Variants in DNAAF11 observed in about 807,000 individuals in gnomAD.
The protein encoded by DNAAF11 is dynein axonemal assembly factor 11, also known as leucine rich repeat containing 6.
In DNAAF11, 45 loss-of-function variants were observed where a neutral mutation model predicts 60.8. The ratio of observed to expected loss-of-function variants is 0.74; its 90% confidence interval spans 0.58 to 0.95. The LOEUF (loss-of-function observed/expected upper bound fraction) is 0.95. Ranked by LOEUF, DNAAF11 falls within the 40% of genes least tolerant of loss-of-function variation. The pLI, the probability that DNAAF11 is intolerant of heterozygous loss-of-function variation, is 0.00. For synonymous variants in DNAAF11, 191 were observed against 183.5 expected (o/e 1.04, Z -0.33); for missense variants, 546 against 546.2 (o/e 1.00, Z 0.00).
intron 11 of DNAAF11, among the ~76,000 whole-genome samples, chr8:132,573,327 T>C (rs918302140): frequency 5.3e-5 from 8 of 152,210 alleles, no homozygotes; most frequent in Admixed American, 2.6e-4. Context: ...TAAATATCTA[T>C]GATATTCCAG....
chr8:132,639,926 A>G (rs892371695), intron 3 of DNAAF11, among the ~76,000 whole-genome samples: 1 of 152,174 alleles, frequency 6.6e-6, no homozygotes, highest in Non-Finnish European at 1.5e-5. Context: ...AACGAGAAAA[A>G]AATACAAGGA....
In DNAAF11 at chr8:132,578,507, A is replaced by G. The variant is rs1298732775; in HGVS notation, c.1226+5187T>C. The G allele has an allele frequency of 5.9e-6, 9 of 1,529,502 alleles. No homozygotes were observed. In the East Asian group the frequency reaches 2.2e-4, roughly 37 times the overall value. 94.7% of individuals were successfully genotyped at this position (1,529,502 alleles called of 1,614,324 possible). A position where few individuals can be genotyped will look rare whatever the true frequency, so the allele number is the denominator to read the frequency against. On this transcript the variant is annotated intron_variant, in intron 11 of 11. Transcript: ENST00000620350. Reference sequence around the variant, plus strand: ...GTCAGAAACATCACCTCTAGAATCCAGTAGAATAGCTGGAAGACAAAATCA... The same window carrying G: ...GTCAGAAACATCACCTCTAGAATCCGGTAGAATAGCTGGAAGACAAAATCA...
chr8:132,697,270 T>TA, the DNAAF11 span, among the ~76,000 whole-genome samples: 1 of 152,204 alleles, frequency 6.6e-6, no homozygotes, highest in Non-Finnish European at 1.5e-5. Flanking sequence ...ACTGTAAAAC[T>TA]AAAAATCATT....
At chr8:132,664,846 G>GT (rs1305823221) in intron 1 of DNAAF11, among the ~76,000 whole-genome samples, 1 of 152,082 alleles carries the variant, frequency 6.6e-6, no homozygotes, top group Non-Finnish European at 1.5e-5. Flanking sequence ...TCGAAGGCAT[G>GT]TAAGTATTAG....
chr8:132,581,725 G>T lies in DNAAF11; in HGVS notation c.1226+1969C>A, dbSNP rs193172989. 2.0e-5 allele frequency among the ~76,000 whole-genome samples: 3 copies of T among 149,498 alleles called. No individual in the cohort carries two copies. In the East Asian group the frequency reaches 5.8e-4, roughly 29 times the overall value. On this transcript the variant is annotated intron_variant, in intron 11 of 11. Coordinates refer to ENST00000620350, the MANE Select transcript of DNAAF11 (RefSeq NM_012472.6). ...AACAAGCCTGAGGTTTCATAATCCT[G>T]GTTCTACCACTTATCAACTTTGACA...
At chr8:132,614,563 C>T (rs1818963722) in intron 8 of DNAAF11, among the ~76,000 whole-genome samples, 1 of 152,092 alleles carries the variant, frequency 6.6e-6, no homozygotes, top group Admixed American at 6.5e-5. Flanking sequence ...CACTCCTACC[C>T]ATGGGTGAGA....
intron 10 of DNAAF11, among the ~76,000 whole-genome samples, chr8:132,589,036 A>G (rs1389630821): frequency 2.0e-5 from 3 of 152,150 alleles, no homozygotes; most frequent in African/African-American, 7.2e-5. Context: ...TGGGCATTAC[A>G]TTTCAACATG....
intron 7 of DNAAF11, among the ~76,000 whole-genome samples, chr8:132,617,710 A>T (rs2130143899): frequency 6.6e-6 from 1 of 152,234 alleles, no homozygotes; most frequent in East Asian, 1.9e-4. Flanking sequence ...CTTCAAAGAG[A>T]ATAAAATACC....
At chr8:132,592,157 G>A (rs1816533219) in intron 10 of DNAAF11, among the ~76,000 whole-genome samples, 1 of 152,112 alleles carries the variant, frequency 6.6e-6, no homozygotes, top group African/African-American at 2.4e-5. Flanking sequence ...ACATGCCACT[G>A]AACTAGATAC....
At chr8:132,576,561 C>T (rs1198649527) in intron 11 of DNAAF11, among the ~76,000 whole-genome samples, 6 of 152,166 alleles carry the variant, frequency 3.9e-5, no homozygotes, top group Admixed American at 3.9e-4. Flanking sequence ...TTTTAATCAT[C>T]TCTCAACATA....
Position 132,583,517 on chromosome 8 carries a change from G to A in DNAAF11, c.1226+177C>T, listed in dbSNP as rs1463157328. Among the ~76,000 whole-genome samples the A allele has an allele frequency of 2.6e-5, 4 of 152,154 alleles. No individual in the cohort carries two copies. In the East Asian group the frequency reaches 5.8e-4, roughly 22 times the overall value. On this transcript the variant is annotated intron_variant, in intron 11 of 11. Transcript: ENST00000620350. ...GTATATACACAGATTTGATTTTAGG[G>A]ATGAGGAGCCCTACAAAGCAAGAGT...
chr8:132,666,013 A>G (rs893074365), intron 1 of DNAAF11, among the ~76,000 whole-genome samples: 3 of 152,222 alleles, frequency 2.0e-5, no homozygotes, highest in Admixed American at 1.3e-4. Context: ...CAAATACTGC[A>G]TGTTCTCACT....
rs1814094429 is a variant in DNAAF11, at chr8:132,570,656, C to T, written c.*1650G>A. Among the ~76,000 whole-genome samples the T allele has an allele frequency of 6.6e-6, 1 of 152,182 alleles. No homozygotes were observed. The highest frequency in any genetic ancestry group is 1.5e-5 in the Non-Finnish European group (1 of 68,040). ...GTTGACCATGAAGAAAGGTGTTATA[C>T]TCAGTCATTGCCATCAGTCGCAGTG... On this transcript the variant is annotated 3_prime_UTR_variant, in exon 12 of 12. Transcript: ENST00000620350.
chr8:132,633,782 A>G (rs1396586828), intron 4 of DNAAF11, among the ~76,000 whole-genome samples: 1 of 152,138 alleles, frequency 6.6e-6, no homozygotes, highest in East Asian at 1.9e-4. Context: ...AGAGAGGTAA[A>G]GTTGGCACAC....
At chr8:132,645,572 C>T (rs1425369319) in intron 3 of DNAAF11, among the ~76,000 whole-genome samples, 9 of 152,074 alleles carry the variant, frequency 5.9e-5, no homozygotes, top group Middle Eastern at 3.4e-3. Flanking sequence ...TTGAACCTAT[C>T]GCAAAGAAGC....
intron 3 of DNAAF11, among the ~76,000 whole-genome samples, chr8:132,652,573 C>T (rs1299937532): frequency 6.6e-6 from 1 of 151,970 alleles, no homozygotes; most frequent in South Asian, 2.1e-4. Flanking sequence ...AAAAGTATGG[C>T]CAAAATTCAC....
In DNAAF11 at chr8:132,627,194, G is replaced by A. The variant is rs115870345; in HGVS notation, c.654-1740C>T. The stretch of plus-strand genomic sequence containing the variant: ...TATATAATTGCCACTGAAATAATTG[G>A]TTCCATTCTCATTTAACCATTTAAA... On this transcript the variant is annotated intron_variant, in intron 5 of 11. Coordinates refer to ENST00000620350, the MANE Select transcript of DNAAF11 (RefSeq NM_012472.6). Among the ~76,000 whole-genome samples, 800 of 152,154 alleles carry A rather than the reference G, an allele frequency of 5.3e-3. 8 individuals carry two copies. Among genetic ancestry groups the A allele is most frequent in the African/African-American group, 0.018 (734 of 41,496 alleles).
intron 7 of DNAAF11, among the ~76,000 whole-genome samples, chr8:132,619,351 T>C (rs532536154): frequency 6.6e-6 from 1 of 152,142 alleles, no homozygotes; most frequent in East Asian, 1.9e-4. Context: ...TAATGTTAGA[T>C]GACGAGTTAG....
intron 3 of DNAAF11, among the ~76,000 whole-genome samples, chr8:132,656,021 G>A (rs1823530698): frequency 6.6e-6 from 1 of 152,126 alleles, no homozygotes; most frequent in South Asian, 2.1e-4. Context: ...AAAAAACTGT[G>A]CACATGTACA....
Sources: gnomAD v4.1 joint callset for allele counts (sites outside exome capture counted in the v4.1 genomes callset) on GRCh38, gnomAD v4.1.1 for gene constraint, MANE v1.5 for transcripts, NCBI Gene and HGNC (gene_info 2026-07-23, HGNC 2026-07-21) for gene names.